The following EFHC1 variants were observed in gnomAD, a reference collection of about 807,000 sequenced individuals.
EFHC1 encodes the protein EF-hand domain-containing protein 1.
In EFHC1, 53 loss-of-function variants were observed where a neutral mutation model predicts 69.9. That is an observed-to-expected ratio of 0.76 (90% CI 0.61 to 0.95). The LOEUF is 0.95. Ranked by LOEUF, EFHC1 falls within the 40% of genes least tolerant of loss-of-function variation. The probability of loss-of-function intolerance (pLI) is 0.00; values close to 1 mark genes in which losing one functional copy is unlikely to be tolerated. For synonymous variants in EFHC1, 256 were observed against 278.4 expected (o/e 0.92, Z 0.80); for missense variants, 739 against 798.7 (o/e 0.93, Z 0.90).
In EFHC1 at chr6:52,490,408, T is replaced by C. The variant is rs2273120; in HGVS notation, c.1851+58T>C. The C allele has an allele frequency of 0.69, 1,015,210 of 1,473,920 alleles. 351,537 individuals carry two copies. Among genetic ancestry groups the C allele is most frequent in the African/African-American group, 0.74 (53,101 of 72,054 alleles). The allele number at this position is 1,473,920 out of a possible 1,614,324, so 91.3% of individuals were successfully genotyped here. ...AGAGGCTAGGCACTGATCATTCTTT[T>C]CTAAAGGCAATTGTGTGTGTATTTC... On this transcript the variant is annotated intron_variant, in intron 10 of 10. Transcript: ENST00000371068.
intron 10 of EFHC1, chr6:52,490,623 CAG>C (rs1765880685): frequency 1.0e-5 from 6 of 586,510 alleles, no homozygotes; most frequent in Admixed American, 3.0e-5. Flanking sequence ...AGAAGGGCAA[CAG>C]AGACGATCCA....
intron 3 of EFHC1, among the ~76,000 whole-genome samples, chr6:52,447,944 GA>G (rs1189114148): frequency 6.6e-6 from 1 of 152,198 alleles, no homozygotes; most frequent in Non-Finnish European, 1.5e-5. Context: ...CTTCGTCTCA[GA>G]GGGGCACCTG....
At chr6:52,429,367 A>G (rs1255193375) in intron 2 of EFHC1, among the ~76,000 whole-genome samples, 3 of 152,080 alleles carry the variant, frequency 2.0e-5, no homozygotes, top group African/African-American at 7.2e-5. Context: ...GTTGATTTTT[A>G]TATAAGGTGA....
At chr6:52,477,949 T>C (rs576563272) in intron 7 of EFHC1, among the ~76,000 whole-genome samples, 31 of 152,262 alleles carry the variant, frequency 2.0e-4, no homozygotes, top group East Asian at 1.9e-3. Flanking sequence ...GGACTATAAA[T>C]CATGCTGCTA....
intron 2 of EFHC1, among the ~76,000 whole-genome samples, chr6:52,436,391 G>A (rs1317719393): frequency 1.3e-5 from 2 of 149,686 alleles, no homozygotes; most frequent in African/African-American, 4.9e-5. Context: ...TTTTTTTTTA[G>A]CAACAGTGTC....
intron 3 of EFHC1, among the ~76,000 whole-genome samples, chr6:52,439,019 G>T (rs1023512106): frequency 7.2e-5 from 11 of 152,072 alleles, no homozygotes; most frequent in African/African-American, 2.7e-4. Flanking sequence ...TATATTTTTG[G>T]TAAATGATAC....
At chr6:52,475,544 AGC>A (rs1348940203) in intron 7 of EFHC1, among the ~76,000 whole-genome samples, 1 of 152,372 alleles carries the variant, frequency 6.6e-6, no homozygotes, top group East Asian at 1.9e-4. Flanking sequence ...TCTTCAAAGC[AGC>A]TGAATGTCTT....
Position 52,438,598 on chromosome 6 carries a change from CAT to C in EFHC1, c.573+12_573+13del, listed in dbSNP as rs1764590594. 1.2e-6 allele frequency: 2 copies of C among 1,613,630 alleles called. No homozygotes were observed. The highest frequency in any genetic ancestry group is 1.7e-6 in the Non-Finnish European group (2 of 1,179,788). On this transcript the variant is annotated splice_region_variant and intron_variant, in intron 3 of 10. Coordinates refer to ENST00000371068, the MANE Select transcript of EFHC1 (RefSeq NM_018100.4). ...CTGTGACCAATTCACACAGGTATAG[CAT>C]ATATTTTTGAAAGTTGTGGGGTCTG...
intron 2 of EFHC1, among the ~76,000 whole-genome samples, chr6:52,434,206 C>T (rs1764478171): frequency 6.6e-6 from 1 of 152,172 alleles, no homozygotes; most frequent in Non-Finnish European, 1.5e-5. Flanking sequence ...GGAGACTTCT[C>T]AATTGGTTCA....
chr6:52,465,149 A>G, intron 6 of EFHC1, 34 bp downstream of exon 6: 2 of 1,589,402 alleles, frequency 1.3e-6, no homozygotes, highest in South Asian at 2.2e-5. Context: ...GTGGTGAGAA[A>G]ACTAATTTTT....
intron 2 of EFHC1, among the ~76,000 whole-genome samples, chr6:52,428,716 T>A (rs1318170950): frequency 1.3e-5 from 2 of 152,200 alleles, no homozygotes; most frequent in African/African-American, 2.4e-5. Flanking sequence ...GTGGGATTGC[T>A]GGATCAAATG....
chr6:52,469,517 TA>T, intron 7 of EFHC1, 44 bp downstream of exon 7: 1 of 1,609,504 alleles, frequency 6.2e-7, no homozygotes, highest in African/African-American at 1.3e-5. Context: ...TCTATCTCAG[TA>T]CTGTGTACAA....
chr6:52,457,793 T>C (rs915390836), intron 5 of EFHC1, among the ~76,000 whole-genome samples: 1 of 152,236 alleles, frequency 6.6e-6, no homozygotes, highest in Admixed American at 6.5e-5. Context: ...TGCCCTTGCC[T>C]GTTAGATGAA....
At position 52,495,396 on chromosome 6, in the gene EFHC1, C is replaced by CCAT. The variant is rs1388453971; in HGVS notation, c.*3058_*3060dup. The CCAT allele has an allele frequency of 6.6e-6, 3 of 454,004 alleles. No homozygotes were observed. Among genetic ancestry groups the CCAT allele is most frequent in the Non-Finnish European group, 1.3e-5 (3 of 226,804 alleles). 28.1% of individuals were successfully genotyped at this position (454,004 alleles called of 1,614,324 possible). A position where few individuals can be genotyped will look rare whatever the true frequency, so the allele number is the denominator to read the frequency against. On this transcript the variant is annotated 3_prime_UTR_variant, in exon 11 of 11. Coordinates refer to ENST00000371068, the MANE Select transcript of EFHC1 (RefSeq NM_018100.4). ...AAGCTTGCACTTTCTGATATTTTCT[C>CCAT]CATCACTCTTGCCTCCTGTGGTAGA...
intron 6 of EFHC1, chr6:52,468,318 T>C (rs1005525409): frequency 3.9e-5 from 6 of 151,946 alleles, no homozygotes; most frequent in African/African-American, 1.5e-4. Flanking sequence ...GTCAGATGAG[T>C]GTTCATCTAG....
rs1472435998 is a variant in EFHC1 at position 52,493,961 on chromosome 6, C to A, written c.*1620C>A. On this transcript the variant is annotated 3_prime_UTR_variant, in exon 11 of 11. Transcript: ENST00000371068. ...CCCTAACGAGCTCAGCCACTTGTAACCAGCTTATTGAAAGGGCTGTGAATG... is the reference window on the plus strand; with the variant it reads ...CCCTAACGAGCTCAGCCACTTGTAAACAGCTTATTGAAAGGGCTGTGAATG... The A allele has an allele frequency of 2.2e-6, 1 of 454,118 alleles. No individual in the cohort carries two copies. The highest frequency in any genetic ancestry group is 2.3e-5 in the Admixed American group (1 of 42,572). 28.1% of individuals were successfully genotyped at this position (454,118 alleles called of 1,614,324 possible). A position where few individuals can be genotyped will look rare whatever the true frequency, so the allele number is the denominator to read the frequency against.
Position 52,493,677 on chromosome 6 carries a change from A to G in EFHC1, c.*1336A>G, listed in dbSNP as rs74543871. The stretch of plus-strand genomic sequence containing the variant: ...TCTCAAAAAAAAAAAGGTTAGAAAA[A>G]TGCTGCTTTTAGAGAGCCTGGCCTT... On this transcript the variant is annotated 3_prime_UTR_variant, in exon 11 of 11. Coordinates refer to ENST00000371068, the MANE Select transcript of EFHC1 (RefSeq NM_018100.4). 2.4e-3 allele frequency: 1,073 copies of G among 453,760 alleles called. 6 individuals carry two copies. Among genetic ancestry groups the G allele is most frequent in the African/African-American group, 0.019 (944 of 49,992 alleles). The allele number at this position is 453,760 out of a possible 1,614,324, so 28.1% of individuals were successfully genotyped here. A position where few individuals can be genotyped will look rare whatever the true frequency, so the allele number is the denominator to read the frequency against.
Position 52,495,172 on chromosome 6 carries a change from T to C in EFHC1, c.*2831T>C, listed in dbSNP as rs1272673044. ...CCTTCCAGGGTGTGCACTCTCGCCA[T>C]GTTCTCACCCAGATGGCTCTCTTGG... On this transcript the variant is annotated 3_prime_UTR_variant, in exon 11 of 11. Coordinates refer to ENST00000371068, the MANE Select transcript of EFHC1 (RefSeq NM_018100.4). 1.5e-5 allele frequency: 7 copies of C among 454,016 alleles called. No homozygotes were observed. The highest frequency in any genetic ancestry group is 2.6e-5 in the Non-Finnish European group (6 of 226,796). 28.1% of individuals were successfully genotyped at this position (454,016 alleles called of 1,614,324 possible). A position where few individuals can be genotyped will look rare whatever the true frequency, so the allele number is the denominator to read the frequency against.
At position 52,420,435 on chromosome 6, in the gene EFHC1, T is replaced by C. The variant is rs149315015; in HGVS notation, c.25T>C (p.Leu9=). 4.7e-4 allele frequency: 754 copies of C among 1,614,234 alleles called. 4 individuals are homozygous for C. The African/African-American group carries it at 8.6e-3, about 18-fold the overall frequency. MVSNPVHG[L]PFLPGTSFKD... is the part of the protein sequence containing the mutation. ...AATGGTGTCCAATCCCGTGCATGGC[T>C]TGCCCTTTCTTCCGGGCACGTCCTT... The change falls in exon 1 of 11, where the codon TTG becomes CTG. Residue 9 remains leucine, a synonymous_variant. Transcript: ENST00000371068.
Sources: allele counts gnomAD v4.1 joint callset (sites outside exome capture counted in the v4.1 genomes callset), GRCh38; gene constraint gnomAD v4.1.1; transcripts MANE v1.5; gene names NCBI Gene and HGNC (gene_info 2026-07-23, HGNC 2026-07-21).